Variants in RYR3 observed in about 807,000 individuals in gnomAD.
RYR3 encodes the protein brain ryanodine receptor-calcium release channel.
In RYR3, 207 loss-of-function variants were observed where a neutral mutation model predicts 584.3. The observed-to-expected ratio is 0.35, with a 90% CI of 0.32 to 0.40. The LOEUF (loss-of-function observed/expected upper bound fraction) is 0.40. Ranked by LOEUF, RYR3 falls within the 10% of genes least tolerant of loss-of-function variation. RYR3 has a pLI of 1.00. For synonymous variants in RYR3, 2,416 were observed against 2,248.5 expected, an observed-to-expected ratio of 1.07 and a Z score of -2.11; for missense variants, 5,616 against 6,089.2, an observed-to-expected ratio of 0.92 and a Z score of 2.59.
chr15:33,850,225 A>G (rs776444149), intron 94 of RYR3: 3 of 151,964 alleles, frequency 2.0e-5, no homozygotes, highest in Non-Finnish European at 4.4e-5. Context: ...CTAAAAATAC[A>G]AAAAAATTAG....
intron 5 of RYR3, among the ~76,000 whole-genome samples, chr15:33,538,888 C>G (rs1048783028): frequency 3.3e-5 from 5 of 152,168 alleles, no homozygotes; most frequent in African/African-American, 1.2e-4. Context: ...TTGTCTGAGT[C>G]CTTGCAGATG....
chr15:33,384,179 G>T (rs1219612393), intron 1 of RYR3, among the ~76,000 whole-genome samples: 2 of 152,092 alleles, frequency 1.3e-5, no homozygotes, highest in African/African-American at 2.4e-5. Flanking sequence ...GTAAGATACA[G>T]CTTTTGGACC....
intron 3 of RYR3, among the ~76,000 whole-genome samples, chr15:33,523,401 C>A (rs1481377095): frequency 2.6e-5 from 4 of 152,150 alleles, no homozygotes; most frequent in Admixed American, 1.3e-4. Flanking sequence ...AGCTTCATTC[C>A]TGAAGTCAGC....
intron 1 of RYR3, among the ~76,000 whole-genome samples, chr15:33,346,704 C>T (rs771774342): frequency 6.6e-6 from 1 of 152,184 alleles, no homozygotes; most frequent in Non-Finnish European, 1.5e-5. Flanking sequence ...AAGGTTTTCC[C>T]CTGAACTTTG....
At chr15:33,596,501 G>GA (rs2059379733) in intron 16 of RYR3, among the ~76,000 whole-genome samples, 3 of 146,966 alleles carry the variant, frequency 2.0e-5, no homozygotes, top group Non-Finnish European at 3.0e-5. Flanking sequence ...TTTTTGGGGG[G>GA]GGGGGATTTC....
intron 1 of RYR3, among the ~76,000 whole-genome samples, chr15:33,333,066 C>CAAAAAAAAA (rs1195937254): frequency 3.2e-4 from 18 of 55,706 alleles, no homozygotes; most frequent in African/African-American, 5.3e-4. Context: ...GCCTACCAAC[C>CAAAAAAAAA]AAAAAAAAAA....
At chr15:33,552,098 C>T (rs74707367) in intron 10 of RYR3, among the ~76,000 whole-genome samples, 1,821 of 152,316 alleles carry the variant, frequency 0.012, 42 homozygotes, top group African/African-American at 0.042. Context: ...AGAGCAATGA[C>T]CTCGAGGTCT....
intron 101 of RYR3, 35 bp downstream of exon 101, chr15:33,860,694 T>A (rs1170322654): frequency 7.1e-7 from 1 of 1,413,288 alleles, no homozygotes; most frequent in Non-Finnish European, 9.8e-7. Context: ...CCAGCTCTAT[T>A]TTAATATCCC....
At chr15:33,800,901 C>G (rs2075883068) in intron 68 of RYR3, 44 bp downstream of exon 68, 1 of 1,343,356 alleles carries the variant, frequency 7.4e-7, no homozygotes, top group African/African-American at 1.4e-5. Context: ...GTTGTGAAAG[C>G]TGCAGACCGT....
In RYR3 at chr15:33,802,601, C is replaced by T. The variant is rs143670759; in HGVS notation, c.10011+640C>T. On this transcript the variant is annotated intron_variant, in intron 69 of 103. Coordinates refer to ENST00000634891, the MANE Select transcript of RYR3 (RefSeq NM_001036.6). ...AATACAAGGGGCACAAGTTAGCCTC[C>T]CACCTCCTCTTGCGTCGGCTCTGCA... is the stretch of plus-strand genomic sequence containing the variant. Among the ~76,000 whole-genome samples, 564 of 152,268 alleles carry T rather than the reference C, an allele frequency of 3.7e-3. 3 individuals are homozygous for T. The highest frequency in any genetic ancestry group is 6.7e-3 in the Non-Finnish European group (457 of 68,020).
intron 60 of RYR3, among the ~76,000 whole-genome samples, chr15:33,765,030 C>CAAAA (rs1183335863): frequency 0.05 from 4,294 of 85,570 alleles, 630 homozygotes; most frequent in African/African-American, 0.2. Context: ...GACTTCGTCT[C>CAAAA]AAAAAAAAAA....
intron 64 of RYR3, among the ~76,000 whole-genome samples, chr15:33,779,471 C>T (rs1462672041): frequency 2.6e-5 from 4 of 152,134 alleles, no homozygotes; most frequent in Non-Finnish European, 5.9e-5. Context: ...GTTGTAAGGG[C>T]AGGTCTTTTA....
chr15:33,506,555 G>A (rs578209158), intron 3 of RYR3, among the ~76,000 whole-genome samples: 2 of 152,318 alleles, frequency 1.3e-5, no homozygotes, highest in South Asian at 2.1e-4. Context: ...ATTATAAGGA[G>A]TAGTATTCAC....
At chr15:33,615,221 G>A (rs879393457) in intron 19 of RYR3, among the ~76,000 whole-genome samples, 2 of 152,156 alleles carry the variant, frequency 1.3e-5, no homozygotes, top group Non-Finnish European at 2.9e-5. Context: ...GGAGAGTTGT[G>A]GGAAGCAGGA....
intron 64 of RYR3, among the ~76,000 whole-genome samples, chr15:33,773,924 A>G (rs1180016342): frequency 2.0e-5 from 3 of 152,238 alleles, no homozygotes; most frequent in Non-Finnish European, 4.4e-5. Context: ...CTTCAGAATC[A>G]CAGCTTCTAA....
At chr15:33,777,994 G>A (rs766130565) in intron 64 of RYR3, among the ~76,000 whole-genome samples, 6 of 151,788 alleles carry the variant, frequency 4.0e-5, no homozygotes, top group Admixed American at 6.6e-5. Flanking sequence ...ACATGGTGAC[G>A]CTTCGTCTCT....
chr15:33,371,184 T>G (rs1015329160), intron 1 of RYR3, among the ~76,000 whole-genome samples: 1 of 152,084 alleles, frequency 6.6e-6, no homozygotes, highest in African/African-American at 2.4e-5. Context: ...AGAGAACAGG[T>G]AAGGAGGTAA....
intron 3 of RYR3, among the ~76,000 whole-genome samples, chr15:33,504,742 CAAGT>C (rs1159842515): frequency 3.9e-5 from 6 of 152,164 alleles, no homozygotes; most frequent in African/African-American, 1.4e-4. Context: ...CACATCCCAC[CAAGT>C]ACTCAGTATC....
At chr15:33,476,212 C>T (rs776913171) in intron 2 of RYR3, among the ~76,000 whole-genome samples, 3 of 151,950 alleles carry the variant, frequency 2.0e-5, no homozygotes, top group Non-Finnish European at 2.9e-5. Flanking sequence ...GTTGTTTTAC[C>T]CGAGCTAGAT....
Sources: gnomAD v4.1 joint callset for allele counts (sites outside exome capture counted in the v4.1 genomes callset) on GRCh38, gnomAD v4.1.1 for gene constraint, MANE v1.5 for transcripts, NCBI Gene and HGNC (gene_info 2026-07-23, HGNC 2026-07-21) for gene names.